SORCS2: variants seen among roughly 807,000 people sequenced by gnomAD.
SORCS2 encodes the protein sortilin related VPS10 domain containing receptor 2, also known as VPS10 domain-containing receptor SorCS2.
Under a neutral mutation model 141.6 loss-of-function variants are expected in SORCS2, and 100 were observed. That is an observed-to-expected ratio of 0.71 (90% CI 0.60 to 0.83). The LOEUF (loss-of-function observed/expected upper bound fraction) is 0.83. Among genes scored for constraint, SORCS2 ranks in the 40% least tolerant of loss-of-function variants. The probability of loss-of-function intolerance (pLI) is 0.00; values close to 1 mark genes in which losing one functional copy is unlikely to be tolerated. For synonymous variants in SORCS2, 789 were observed against 676.9 expected (o/e 1.17, Z -2.57); for missense variants, 1,646 against 1,560.2 (o/e 1.05, Z -0.93).
At chr4:7,406,522 A>T (rs1007215660) in intron 2 of SORCS2, among the ~76,000 whole-genome samples, 2 of 151,628 alleles carry the variant, frequency 1.3e-5, no homozygotes, top group Admixed American at 1.3e-4. Flanking sequence ...GTTTGTTGGC[A>T]TATAGTTGTT....
intron 3 of SORCS2, among the ~76,000 whole-genome samples, chr4:7,536,741 G>A (rs1037712199): frequency 6.6e-6 from 1 of 151,662 alleles, no homozygotes; most frequent in Non-Finnish European, 1.5e-5. Context: ...TTATCTACTT[G>A]GAGTTTCTTG....
At chr4:7,224,285 C>G (rs1189401380) in intron 1 of SORCS2, among the ~76,000 whole-genome samples, 1 of 152,250 alleles carries the variant, frequency 6.6e-6, no homozygotes, top group African/African-American at 2.4e-5. Flanking sequence ...CTGCCTCTAG[C>G]TTAATCCTCC....
chr4:7,295,744 A>G (rs1717005973), intron 1 of SORCS2, among the ~76,000 whole-genome samples: 1 of 152,200 alleles, frequency 6.6e-6, no homozygotes, highest in Non-Finnish European at 1.5e-5. Flanking sequence ...AGCATTGGAT[A>G]TGGCACCCAC....
intron 1 of SORCS2, among the ~76,000 whole-genome samples, chr4:7,343,505 T>C (rs1317757527): frequency 6.6e-6 from 1 of 152,076 alleles, no homozygotes; most frequent in African/African-American, 2.4e-5. Flanking sequence ...CTTTGATGAG[T>C]GGATCTCCCC....
chr4:7,666,308 C>T (rs1040904496), intron 7 of SORCS2, among the ~76,000 whole-genome samples: 13 of 152,186 alleles, frequency 8.5e-5, no homozygotes, highest in Non-Finnish European at 1.5e-4. Flanking sequence ...TGTCTGGTGT[C>T]GGTGCTCGCG....
chr4:7,566,910 C>A (rs541171029), intron 3 of SORCS2, among the ~76,000 whole-genome samples: 1 of 152,140 alleles, frequency 6.6e-6, no homozygotes, highest in African/African-American at 2.4e-5. Context: ...TTACAACTGG[C>A]TAGAGCTAGT....
At chr4:7,455,002 G>A (rs1434983172) in intron 2 of SORCS2, among the ~76,000 whole-genome samples, 8 of 131,718 alleles carry the variant, frequency 6.1e-5, no homozygotes, top group African/African-American at 1.7e-4. Flanking sequence ...AGTGTCATGC[G>A]CCACGTTAGG....
At chr4:7,639,898 AGT>A (rs565779266) in intron 4 of SORCS2, among the ~76,000 whole-genome samples, 104 of 141,274 alleles carry the variant, frequency 7.4e-4, no homozygotes, top group African/African-American at 2.2e-3. Context: ...TGCACGTGAA[AGT>A]GTGTTTGTGG....
intron 9 of SORCS2, among the ~76,000 whole-genome samples, chr4:7,677,665 C>T (rs1443336338): frequency 1.3e-5 from 2 of 152,090 alleles, no homozygotes; most frequent in Non-Finnish European, 2.9e-5. Flanking sequence ...AGGCAGCAGG[C>T]TCAGCATTCA....
chr4:7,686,506 A>G (rs1162970073), intron 10 of SORCS2, among the ~76,000 whole-genome samples: 1 of 152,196 alleles, frequency 6.6e-6, no homozygotes, highest in Non-Finnish European at 1.5e-5. Flanking sequence ...CCAGCCCTGC[A>G]GGAACCCGGG....
intron 2 of SORCS2, among the ~76,000 whole-genome samples, chr4:7,480,412 A>C (rs991022761): frequency 6.6e-6 from 1 of 151,870 alleles, no homozygotes; most frequent in African/African-American, 2.4e-5. Flanking sequence ...CAGAGCCAGC[A>C]CAGCAATTCA....
At chr4:7,387,830 GCACATACA>G (rs1338909211) in intron 1 of SORCS2, among the ~76,000 whole-genome samples, 48 of 47,512 alleles carry the variant, frequency 1.0e-3, no homozygotes, top group African/African-American at 2.5e-3. Flanking sequence ...AGATACACAT[GCACATACA>G]TACACATGCA....
intron 2 of SORCS2, among the ~76,000 whole-genome samples, chr4:7,403,997 A>ATATAT (rs1265288820): frequency 2.6e-4 from 5 of 18,974 alleles, no homozygotes; most frequent in East Asian, 1.3e-3. Context: ...ATATATATAT[A>ATATAT]TTTTTTTTTT....
At chr4:7,698,448 T>C (rs187732427) in intron 12 of SORCS2, among the ~76,000 whole-genome samples, 8 of 152,302 alleles carry the variant, frequency 5.3e-5, no homozygotes, top group Admixed American at 3.9e-4. Flanking sequence ...GCAAAGGCGA[T>C]TTATTGTATT....
intron 1 of SORCS2, among the ~76,000 whole-genome samples, chr4:7,312,081 T>G (rs2108923902): frequency 6.6e-6 from 1 of 152,280 alleles, no homozygotes; most frequent in South Asian, 2.1e-4. Flanking sequence ...TTCACCATGT[T>G]GGCCAGGATG....
At chr4:7,704,880 G>A (rs1725319778) in intron 14 of SORCS2, among the ~76,000 whole-genome samples, 1 of 152,164 alleles carries the variant, frequency 6.6e-6, no homozygotes, top group Non-Finnish European at 1.5e-5. Flanking sequence ...GGGCCCCTGT[G>A]AGCCCAGCTG....
chr4:7,646,751 C>A (rs1721107362), intron 4 of SORCS2, among the ~76,000 whole-genome samples: 1 of 152,234 alleles, frequency 6.6e-6, no homozygotes, highest in Admixed American at 6.5e-5. Context: ...TGATCTTGGA[C>A]TTCTGGCCTC....
At chr4:7,438,321 C>A (rs1305164387) in intron 2 of SORCS2, among the ~76,000 whole-genome samples, 1 of 152,184 alleles carries the variant, frequency 6.6e-6, no homozygotes, top group East Asian at 1.9e-4. Context: ...CTTGACCAGA[C>A]CCAGGTCATG....
chr4:7,325,593 ACT>A (rs1719201030), intron 1 of SORCS2, among the ~76,000 whole-genome samples: 2 of 152,126 alleles, frequency 1.3e-5, no homozygotes, highest in African/African-American at 4.8e-5. Flanking sequence ...AATGGTTTTA[ACT>A]CTATGGATCT....
Sources: allele counts gnomAD v4.1 joint callset (sites outside exome capture counted in the v4.1 genomes callset), GRCh38; gene constraint gnomAD v4.1.1; transcripts MANE v1.5; gene names NCBI Gene and HGNC (gene_info 2026-07-23, HGNC 2026-07-21).